Variants in LDLRAP1 observed in about 807,000 individuals in gnomAD.
LDLRAP1 encodes the protein low density lipoprotein receptor adapter protein 1.
In LDLRAP1, 30 loss-of-function variants were observed where a neutral mutation model predicts 37.8. That is an observed-to-expected ratio of 0.79 (90% CI 0.59 to 1.08). The LOEUF is 1.08. Among genes scored for constraint, LDLRAP1 ranks in the 50% least tolerant of loss-of-function variants. LDLRAP1 has a pLI of 0.00. For missense variants in LDLRAP1, 375 were observed against 401.6 expected, an observed-to-expected ratio of 0.93 and a Z score of 0.57; for synonymous variants, 156 against 169.8, an observed-to-expected ratio of 0.92 and a Z score of 0.63.
rs560132093 is a variant in LDLRAP1, at chr1:25,565,006, C to T, written c.748-167C>T. ...AGCTTTGGGTCCTTGGGCTGAGATG[C>T]TGGCGATGCACCCAGGCAGGAGGCC... On this transcript the variant is annotated intron_variant, in intron 7 of 8. Coordinates refer to ENST00000374338, the MANE Select transcript of LDLRAP1 (RefSeq NM_015627.3). 310 of 714,510 alleles carry T rather than the reference C, an allele frequency of 4.3e-4. 6 individuals are homozygous for T. In the South Asian group the frequency reaches 4.5e-3, roughly 10 times the overall value. 44.3% of individuals were successfully genotyped at this position (714,510 alleles called of 1,614,324 possible). A position where few individuals can be genotyped will look rare whatever the true frequency, so the allele number is the denominator to read the frequency against.
rs968535706 is a variant in LDLRAP1 at position 25,544,868 on chromosome 1, C to T, written c.88+1082C>T. On this transcript the variant is annotated intron_variant, in intron 1 of 8. Transcript: ENST00000374338. The surrounding 1 kb of genome is among the most constrained non-coding windows in gnomAD (Gnocchi z 4.8). ...ACAGCACCCCCTCATCCCATCCCCTCTTGGCCTTACAGGGCTCTGCCAGGG... is the reference window on the plus strand; with the variant it reads ...ACAGCACCCCCTCATCCCATCCCCTTTTGGCCTTACAGGGCTCTGCCAGGG... Among the ~76,000 whole-genome samples, 1 of 152,254 alleles carries T rather than the reference C, an allele frequency of 6.6e-6. No homozygotes were observed. The highest frequency in any genetic ancestry group is 6.5e-5 in the Admixed American group (1 of 15,290).
At chr1:25,586,549 T>C in the LDLRAP1 span, among the ~76,000 whole-genome samples, 8 of 149,728 alleles carry the variant, frequency 5.3e-5, no homozygotes, top group Non-Finnish European at 1.0e-4. The surrounding 1 kb of genome is among the most constrained non-coding windows in gnomAD (Gnocchi z 4.3). Flanking sequence ...TGTGTGCATG[T>C]GTGTGTGTGT....
the LDLRAP1 span, among the ~76,000 whole-genome samples, chr1:25,585,385 G>A: frequency 6.6e-6 from 1 of 151,748 alleles, no homozygotes. Context: ...GAGTGCAGTG[G>A]CACGACCTCG....
At chr1:25,552,619 G>A (rs1314596006) in intron 1 of LDLRAP1, among the ~76,000 whole-genome samples, 2 of 152,208 alleles carry the variant, frequency 1.3e-5, no homozygotes, top group Non-Finnish European at 2.9e-5. Context: ...AGAGAGGTAG[G>A]GGACAGGAAG....
At chr1:25,546,793 C>T (rs1472276889) in intron 1 of LDLRAP1, among the ~76,000 whole-genome samples, 2 of 151,614 alleles carry the variant, frequency 1.3e-5, no homozygotes, top group African/African-American at 4.9e-5. Flanking sequence ...GAATGTGGCC[C>T]AACACAAATT....
At chr1:25,577,327 G>A in the LDLRAP1 span, among the ~76,000 whole-genome samples, 18 of 152,136 alleles carry the variant, frequency 1.2e-4, no homozygotes, top group African/African-American at 2.4e-4. Context: ...GCCAGGATGC[G>A]AGCCTGGATG....
At chr1:25,557,639 G>A (rs1439130926) in intron 4 of LDLRAP1, among the ~76,000 whole-genome samples, 10 of 152,176 alleles carry the variant, frequency 6.6e-5, no homozygotes, top group Non-Finnish European at 1.0e-4. Flanking sequence ...GATCAGGGGG[G>A]CCTAGGGTGG....
At chr1:25,557,875 C>G (rs72873740) in intron 4 of LDLRAP1, among the ~76,000 whole-genome samples, 1 of 126,338 alleles carries the variant, frequency 7.9e-6, no homozygotes, top group Non-Finnish European at 1.7e-5. Context: ...GTTACTCTCT[C>G]CATTTTTTTT....
rs1054495721 is a variant in LDLRAP1 at position 25,565,301 on chromosome 1, C to T, written c.782+94C>T. 107 of 1,388,788 alleles carry T rather than the reference C, an allele frequency of 7.7e-5. 1 individual carries two copies. The highest frequency in any genetic ancestry group is 1.8e-4 in the Middle Eastern group (1 of 5,474). The allele number at this position is 1,388,788 out of a possible 1,614,324, so 86.0% of individuals were successfully genotyped here. A position where few individuals can be genotyped will look rare whatever the true frequency, so the allele number is the denominator to read the frequency against. On this transcript the variant is annotated intron_variant, in intron 8 of 8. Transcript: ENST00000374338. ...TGGGGACCTTTCCCCTGATTAAGAA[C>T]ACAAGCCACTCAGACCCCCTCCAGA...
At chr1:25,586,574 G>A in the LDLRAP1 span, among the ~76,000 whole-genome samples, 2 of 147,760 alleles carry the variant, frequency 1.4e-5, no homozygotes, top group Non-Finnish European at 2.9e-5. The surrounding 1 kb of genome is among the most constrained non-coding windows in gnomAD (Gnocchi z 4.3). Flanking sequence ...GCGTGTGTGT[G>A]CGTGTGCGCG....
intron 7 of LDLRAP1, chr1:25,564,041 C>G: frequency 1.8e-6 from 1 of 543,162 alleles, no homozygotes. Flanking sequence ...TTGGCCTGAG[C>G]GTCCACGGCT....
chr1:25,546,869 T>C (rs1178042831), intron 1 of LDLRAP1, among the ~76,000 whole-genome samples: 1 of 152,178 alleles, frequency 6.6e-6, no homozygotes, highest in African/African-American at 2.4e-5. Flanking sequence ...TTAGTATTAG[T>C]ATATTTTATG....
At chr1:25,547,817 C>A (rs138597463) in intron 1 of LDLRAP1, among the ~76,000 whole-genome samples, 11 of 152,196 alleles carry the variant, frequency 7.2e-5, no homozygotes, top group Admixed American at 6.5e-4. Flanking sequence ...GAAGGTGACT[C>A]GGTACACACC....
chr1:25,585,577 G>A, the LDLRAP1 span, among the ~76,000 whole-genome samples: 6 of 152,136 alleles, frequency 3.9e-5, no homozygotes, highest in African/African-American at 1.4e-4. Flanking sequence ...CGCCCGCCTC[G>A]GCCTCCCAAA....
At chr1:25,578,443 C>T in the LDLRAP1 span, among the ~76,000 whole-genome samples, 2 of 152,024 alleles carry the variant, frequency 1.3e-5, no homozygotes, top group African/African-American at 4.8e-5. Context: ...ATTACAGAGG[C>T]ATCATCACTA....
chr1:25,561,405 A>T (rs2044339530), intron 4 of LDLRAP1, among the ~76,000 whole-genome samples: 1 of 152,204 alleles, frequency 6.6e-6, no homozygotes, highest in South Asian at 2.1e-4. Flanking sequence ...CGGATCAGTC[A>T]GTTTGTTTAG....
In LDLRAP1 at chr1:25,555,949, G is replaced by A. The variant is rs1429139480; in HGVS notation, c.344+977G>A. Reference sequence around the variant, plus strand: ...AAAAGGCAAGGAGGAGATCTGCCTGGGGAAATCCCGGAAGGCCTCCCAGGG... The same window carrying A: ...AAAAGGCAAGGAGGAGATCTGCCTGAGGAAATCCCGGAAGGCCTCCCAGGG... On this transcript the variant is annotated intron_variant, in intron 3 of 8. Coordinates refer to ENST00000374338, the MANE Select transcript of LDLRAP1 (RefSeq NM_015627.3). This position sits in a 1 kb window ranked among gnomAD's most constrained non-coding sequence, Gnocchi z 4.7. 6.6e-6 allele frequency among the ~76,000 whole-genome samples: 1 copy of A among 152,146 alleles called. No individual in the cohort carries two copies. The highest frequency in any genetic ancestry group is 1.5e-5 in the Non-Finnish European group (1 of 68,030).
At chr1:25,547,424 A>G (rs1291723787) in intron 1 of LDLRAP1, among the ~76,000 whole-genome samples, 1 of 152,202 alleles carries the variant, frequency 6.6e-6, no homozygotes, top group Middle Eastern at 3.4e-3. Context: ...CAGAGGTTGC[A>G]GTGAGCCGGG....
the LDLRAP1 span, among the ~76,000 whole-genome samples, chr1:25,583,363 A>G: frequency 2.6e-5 from 4 of 151,232 alleles, no homozygotes; most frequent in Non-Finnish European, 4.4e-5. Flanking sequence ...CTAATTTTTT[A>G]TACTTTTTTA....
Sources: allele counts gnomAD v4.1 joint callset (sites outside exome capture counted in the v4.1 genomes callset), GRCh38; gene constraint gnomAD v4.1.1; non-coding constraint Gnocchi (gnomAD v3.1); transcripts MANE v1.5; gene names NCBI Gene and HGNC (gene_info 2026-07-23, HGNC 2026-07-21).